The following TIGD7 variants were observed in gnomAD, a reference collection of about 807,000 sequenced individuals.
The protein encoded by TIGD7 is tigger transposable element derived 7, also known as tigger transposable element-derived protein 7.
A neutral mutation model predicts 24.8 loss-of-function variants in TIGD7; 26 were observed. The observed-to-expected ratio is 1.05, with a 90% CI of 0.77 to 1.45. The LOEUF (loss-of-function observed/expected upper bound fraction) is 1.45, where lower values mean the gene tolerates loss of function less well. TIGD7 is among the 40% of genes most tolerant of loss of function. TIGD7 has a pLI of 0.00. For synonymous variants in TIGD7, 221 were observed against 224.1 expected (o/e 0.99, Z 0.12); for missense variants, 679 against 641.6 (o/e 1.06, Z -0.63).
In TIGD7 at chr16:3,305,235, C is replaced by G. The variant is rs1355519764; in HGVS notation, c.-1419G>C. 1 of 152,270 alleles carries G rather than the reference C, an allele frequency of 6.6e-6. No individual in the cohort carries two copies. The highest frequency in any genetic ancestry group is 1.5e-5 in the Non-Finnish European group (1 of 68,056). The allele number at this position is 152,270 out of a possible 1,614,324, so 9.4% of individuals were successfully genotyped here. A position where few individuals can be genotyped will look rare whatever the true frequency, so the allele number is the denominator to read the frequency against. The stretch of plus-strand genomic sequence containing the variant: ...ACCCGGCGAGGCTCCCGGGACCAAA[C>G]GCCGCCCGACAGCCACGCAGAACAG... On this transcript the variant is annotated 5_prime_UTR_variant, in exon 1 of 2. Transcript: ENST00000396862.
In TIGD7 at chr16:3,299,114, G is replaced by A. The variant is rs1225997146; in HGVS notation, c.1501C>T (p.His501Tyr). 1.4e-6 allele frequency: 2 copies of A among 1,460,022 alleles called. No homozygotes were observed. Among genetic ancestry groups the A allele is most frequent in the East Asian group, 2.5e-5 (1 of 39,712 alleles). The allele number at this position is 1,460,022 out of a possible 1,614,324, so 90.4% of individuals were successfully genotyped here. Residue 501 changes from histidine (H) to tyrosine (Y), a missense_variant, in exon 2 of 2, where the codon CAC becomes TAC. His to Tyr is a moderately conservative substitution (Grantham distance 83). Transcript: ENST00000396862. Reference sequence around the variant, plus strand: ...TGTTGCATCTCTTTCAGTGTGAAGTGGAATCTCTGAAACTCAGGTGTGGCA... The same window carrying A: ...TGTTGCATCTCTTTCAGTGTGAAGTAGAATCTCTGAAACTCAGGTGTGGCA... Reference protein sequence around the residue: ...VDATPEFQRFHFTLKEMQQEI... With the variant: ...VDATPEFQRFYFTLKEMQQEI...
chr16:3,303,448 G>T (rs1052578151), intron 1 of TIGD7, among the ~76,000 whole-genome samples: 1 of 152,156 alleles, frequency 6.6e-6, no homozygotes, highest in African/African-American at 2.4e-5. Flanking sequence ...TATATATTCA[G>T]CATTGGGCCA....
At position 3,301,094 on chromosome 16, in the gene TIGD7, GACAGAGTAATCTTGTGT is replaced by G. The variant is rs1327397295; in HGVS notation, c.-497_-481del. 1 of 169,264 alleles carries G rather than the reference GACAGAGTAATCTTGTGT, an allele frequency of 5.9e-6. No homozygotes were observed. The highest frequency in any genetic ancestry group is 1.4e-5 in the Non-Finnish European group (1 of 69,654). 10.5% of individuals were successfully genotyped at this position (169,264 alleles called of 1,614,324 possible). ...GGAGCGTGAAAGACTCAAAGGCAAT[GACAGAGTAATCTTGTGT>G]GTAGCAGAGATGCAATGTGGCTTCT... On this transcript the variant is annotated 5_prime_UTR_variant, in exon 2 of 2. Coordinates refer to ENST00000396862, the MANE Select transcript of TIGD7 (RefSeq NM_033208.4).
rs1460855045 is a variant in TIGD7 at position 3,299,157 on chromosome 16, G to A, written c.1458C>T (p.Tyr486=). The change falls in exon 2 of 2, where the codon TAC becomes TAT. Residue 486 remains tyrosine (Y), a synonymous_variant. Coordinates refer to ENST00000396862, the MANE Select transcript of TIGD7 (RefSeq NM_033208.4). ...GTGTGGCATCAACAAAGTCAAGAAG[G>A]TAGTCCAAACTCTCTCTTACAGCAG... ...KLSAVRESLD[Y]LLDFVDATPE... 4.6e-6 allele frequency: 7 copies of A among 1,536,078 alleles called. No individual in the cohort carries two copies. In the African/African-American group the frequency reaches 5.6e-5, roughly 12 times the overall value.
In TIGD7 at chr16:3,299,527, T is replaced by C. The variant is rs1390540818; in HGVS notation, c.1088A>G (p.Lys363Arg). 1 of 1,530,990 alleles carries C rather than the reference T, an allele frequency of 6.5e-7. No individual in the cohort carries two copies. Among genetic ancestry groups the C allele is most frequent in the Non-Finnish European group, 8.7e-7 (1 of 1,143,624 alleles). The allele number at this position is 1,530,990 out of a possible 1,614,324, so 94.8% of individuals were successfully genotyped here. The stretch of plus-strand genomic sequence containing the variant: ...AATTTTGGAAACTCCTTTATCTCCT[T>C]TCTCTTGCTCATCATCACTTTCTTC... Reference protein sequence around the residue: ...IFEESDDEQEKGDKGVSKIKI... With the variant: ...IFEESDDEQERGDKGVSKIKI... The change falls in exon 2 of 2, where the codon AAA (lysine) becomes AGA (arginine). Residue 363 changes from lysine to arginine, a missense_variant. Physicochemically the swap from Lys to Arg is conservative, Grantham distance 26. Coordinates refer to ENST00000396862, the MANE Select transcript of TIGD7 (RefSeq NM_033208.4).
At chr16:3,302,528 C>G (rs954871654) in intron 1 of TIGD7, among the ~76,000 whole-genome samples, 5 of 152,094 alleles carry the variant, frequency 3.3e-5, no homozygotes, top group Admixed American at 1.3e-4. Flanking sequence ...AGTTATAGAG[C>G]ATGGAGAAGA....
chr16:3,302,851 T>C (rs1441101376), intron 1 of TIGD7, among the ~76,000 whole-genome samples: 1 of 149,700 alleles, frequency 6.7e-6, no homozygotes, highest in Non-Finnish European at 1.5e-5. Context: ...TTTTTTTTTT[T>C]TTTTGAGATG....
Position 3,298,923 on chromosome 16 carries a change from TG to T in TIGD7, c.*41del. The T allele has an allele frequency of 2.5e-6, 2 of 808,160 alleles. No homozygotes were observed. Among genetic ancestry groups the T allele is most frequent in the African/African-American group, 1.8e-5 (1 of 56,568 alleles). The allele number at this position is 808,160 out of a possible 1,614,324, so 50.1% of individuals were successfully genotyped here. On this transcript the variant is annotated 3_prime_UTR_variant, in exon 2 of 2. Coordinates refer to ENST00000396862, the MANE Select transcript of TIGD7 (RefSeq NM_033208.4). ...TTGCTAAAACAAGACAATTCACAGC[TG>T]GCCTACATCATATAATGGCAGAAAT...
rs1256010974 is a variant in TIGD7 at position 3,300,839 on chromosome 16, G to A, written c.-225C>T. On this transcript the variant is annotated 5_prime_UTR_variant, in exon 2 of 2. Transcript: ENST00000396862. ...AGAAAGCTGCCAGTTGCAAAGTCCT[G>A]TCTGGCTCTTGCTCCTGCAAGCCAT... 6.7e-6 allele frequency: 4 copies of A among 595,580 alleles called. No individual in the cohort carries two copies. In the Admixed American group the frequency reaches 1.6e-4, roughly 23 times the overall value. The allele number at this position is 595,580 out of a possible 1,614,324, so 36.9% of individuals were successfully genotyped here. A position where few individuals can be genotyped will look rare whatever the true frequency, so the allele number is the denominator to read the frequency against.
rs1287229120 is a variant in TIGD7, at chr16:3,299,691, G to A, written c.924C>T (p.Thr308=). The change falls in exon 2 of 2, where the codon ACC becomes ACT. Residue 308 remains threonine (T), a synonymous_variant. Transcript: ENST00000396862. Reference sequence around the variant, plus strand: ...TACATTTTATTCGACCATCCTCACTGGTTAGGGATTCAGAGGAAGGATGAG... The same window carrying A: ...TACATTTTATTCGACCATCCTCACTAGTTAGGGATTCAGAGGAAGGATGAG... ...CPAHPSSESL[T]SEDGRIKCMF... 1.3e-6 allele frequency: 2 copies of A among 1,540,306 alleles called. No homozygotes were observed. Among genetic ancestry groups the A allele is most frequent in the South Asian group, 1.3e-5 (1 of 77,082 alleles).
chr16:3,302,401 C>T (rs1487873886), intron 1 of TIGD7, among the ~76,000 whole-genome samples: 1 of 152,196 alleles, frequency 6.6e-6, no homozygotes, highest in East Asian at 1.9e-4. Flanking sequence ...GCTGGGATTA[C>T]AGGCGTGAGC....
At position 3,298,826 on chromosome 16, in the gene TIGD7, A is replaced by T. The variant is rs186973942; in HGVS notation, c.*139T>A. 7.9e-5 allele frequency: 32 copies of T among 403,042 alleles called. No homozygotes were observed. In the Admixed American group the frequency reaches 1.4e-3, roughly 17 times the overall value. The allele number at this position is 403,042 out of a possible 1,614,324, so 25.0% of individuals were successfully genotyped here. A position where few individuals can be genotyped will look rare whatever the true frequency, so the allele number is the denominator to read the frequency against. On this transcript the variant is annotated 3_prime_UTR_variant, in exon 2 of 2. Coordinates refer to ENST00000396862, the MANE Select transcript of TIGD7 (RefSeq NM_033208.4). ...ATTTAAATAAATTTAAAGAAACACA[A>T]ATGTATTATTTTCAAACTGTAAATT...
rs916040271 is a variant in TIGD7, at chr16:3,301,338, T to C, written c.-724A>G. The C allele has an allele frequency of 6.0e-6, 1 of 167,148 alleles. No individual in the cohort carries two copies. Among genetic ancestry groups the C allele is most frequent in the Admixed American group, 6.5e-5 (1 of 15,286 alleles). The allele number at this position is 167,148 out of a possible 1,614,324, so 10.4% of individuals were successfully genotyped here. ...ATCTTGAAGTGAAGAAGAAAGTAGT[T>C]TGTTGTACATATGAATGAAATCCAA... On this transcript the variant is annotated 5_prime_UTR_variant, in exon 2 of 2. Coordinates refer to ENST00000396862, the MANE Select transcript of TIGD7 (RefSeq NM_033208.4).
In TIGD7 at chr16:3,299,481, A is replaced by G. The variant is rs1193104183; in HGVS notation, c.1134T>C (p.Ser378=). ...AACTTTTTGCCCAGTTAAAAATTGCACTTTTTATATTGTAGATTTTAATTT... is the reference window on the plus strand; with the variant it reads ...AACTTTTTGCCCAGTTAAAAATTGCGCTTTTTATATTGTAGATTTTAATTT... ...VSKIKIYNIK[S]AIFNWAKSWE... is the part of the protein sequence containing the mutation. The change falls in exon 2 of 2, where the codon AGT becomes AGC. Residue 378 remains serine (S), a synonymous_variant. Coordinates refer to ENST00000396862, the MANE Select transcript of TIGD7 (RefSeq NM_033208.4). The G allele has an allele frequency of 6.4e-7, 1 of 1,551,090 alleles. No individual in the cohort carries two copies. Among genetic ancestry groups the G allele is most frequent in the East Asian group, 2.3e-5 (1 of 43,334 alleles).
At chr16:3,302,906 C>T (rs1263093972) in intron 1 of TIGD7, among the ~76,000 whole-genome samples, 2 of 146,702 alleles carry the variant, frequency 1.4e-5, no homozygotes, top group Non-Finnish European at 3.0e-5. Context: ...GACACAATCT[C>T]GGCTCACTGC....
rs1411945478 is a variant in TIGD7 at position 3,301,769 on chromosome 16, A to C, written c.-1155T>G. The C allele has an allele frequency of 6.0e-6, 1 of 167,092 alleles. No individual in the cohort carries two copies. The highest frequency in any genetic ancestry group is 1.5e-5 in the Non-Finnish European group (1 of 68,122). The allele number at this position is 167,092 out of a possible 1,614,324, so 10.4% of individuals were successfully genotyped here. ...TTGAACCAAGACTCAACTTTTCCAC[A>C]GAAGAAATCTAAAAGGTTTCTCTGC... is the stretch of plus-strand genomic sequence containing the variant. On this transcript the variant is annotated 5_prime_UTR_variant, in exon 2 of 2. Coordinates refer to ENST00000396862, the MANE Select transcript of TIGD7 (RefSeq NM_033208.4).
intron 1 of TIGD7, among the ~76,000 whole-genome samples, chr16:3,303,240 G>C (rs1959990174): frequency 6.6e-6 from 1 of 152,222 alleles, no homozygotes; most frequent in Admixed American, 6.5e-5. Context: ...CACTATGGCA[G>C]CAAACCTCAC....
Position 3,299,875 on chromosome 16 carries a change from A to G in TIGD7, c.740T>C (p.Val247Ala). 6.2e-7 allele frequency: 1 copy of G among 1,600,282 alleles called. No individual in the cohort carries two copies. Among genetic ancestry groups the G allele is most frequent in the East Asian group, 2.2e-5 (1 of 44,782 alleles). The change falls in exon 2 of 2, where the codon GTG (valine) becomes GCG (alanine). Residue 247 changes from valine to alanine, a missense_variant. Transcript: ENST00000396862. Reference sequence around the variant, plus strand: ...AACATCTTTACTGGGTTTATATATCACAGGCAATGTACTTGTGTCCTCTTT... The same window carrying G: ...AACATCTTTACTGGGTTTATATATCGCAGGCAATGTACTTGTGTCCTCTTT... Reference protein sequence around the residue: ...SVKEDTSTLPVIYKPSKDVWF... With the variant: ...SVKEDTSTLPAIYKPSKDVWF...
In TIGD7 at chr16:3,300,743, T is replaced by TG; in HGVS notation, c.-130dup. The stretch of plus-strand genomic sequence containing the variant: ...GCCCCAGAAGGCATGGGCATTGTAT[T>TG]GGAGGATAATGGACTGAAGGGGCTA... On this transcript the variant is annotated 5_prime_UTR_variant, in exon 2 of 2. An upstream open reading frame in the 5' UTR loses its in-frame stop. Coordinates refer to ENST00000396862, the MANE Select transcript of TIGD7 (RefSeq NM_033208.4). 4.9e-6 allele frequency: 7 copies of TG among 1,419,952 alleles called. No homozygotes were observed. The highest frequency in any genetic ancestry group is 5.6e-6 in the Non-Finnish European group (6 of 1,074,590). The allele number at this position is 1,419,952 out of a possible 1,614,324, so 88.0% of individuals were successfully genotyped here.
Sources: allele counts gnomAD v4.1 joint callset (sites outside exome capture counted in the v4.1 genomes callset), GRCh38; gene constraint gnomAD v4.1.1; transcripts MANE v1.5; gene names NCBI Gene and HGNC (gene_info 2026-07-23, HGNC 2026-07-21).